Variants in LOXL2 observed in about 807,000 individuals in gnomAD.
The protein encoded by LOXL2 is lysyl oxidase homolog 2.
A neutral mutation model predicts 93.0 loss-of-function variants in LOXL2; 70 were observed. The ratio of observed to expected loss-of-function variants is 0.75; its 90% CI spans 0.62 to 0.92. The LOEUF (loss-of-function observed/expected upper bound fraction) is 0.92, where lower values mean the gene tolerates loss of function less well. LOXL2 is among the 40% of genes least tolerant of loss of function. The pLI, the probability that LOXL2 is intolerant of heterozygous loss-of-function variation, is 0.00. For missense variants in LOXL2, 973 were observed against 1,054.9 expected, an observed-to-expected ratio of 0.92 and a Z score of 1.08; for synonymous variants, 438 against 413.2, an observed-to-expected ratio of 1.06 and a Z score of -0.73.
At chr8:23,316,732 C>A in intron 9 of LOXL2, 1 of 537,040 alleles carries the variant, frequency 1.9e-6, no homozygotes. Flanking sequence ...AGACTGCAGC[C>A]CCTCCCTCCC....
intron 13 of LOXL2, 31 bp downstream of exon 13, chr8:23,298,805 G>T: frequency 7.0e-7 from 1 of 1,425,386 alleles, no homozygotes; most frequent in Non-Finnish European, 9.9e-7. Context: ...GCTCCCGCCT[G>T]CTTCCTGGAG....
rs565253378 is a variant in LOXL2, at chr8:23,392,346, G to A, written c.-84+11608C>T. On this transcript the variant is annotated intron_variant, in intron 1 of 13. Coordinates refer to ENST00000389131, the MANE Select transcript of LOXL2 (RefSeq NM_002318.3). ...AAGTGTCACATCACTGAAGCTGGCCGGGCTTGGCTGCTACAATGCCAGCTG... is the reference window on the plus strand; with the variant it reads ...AAGTGTCACATCACTGAAGCTGGCCAGGCTTGGCTGCTACAATGCCAGCTG... Among the ~76,000 whole-genome samples, 14 of 152,306 alleles carry A rather than the reference G, an allele frequency of 9.2e-5. No homozygotes were observed. In the South Asian group the frequency reaches 2.1e-3, roughly 23 times the overall value.
At chr8:23,398,342 G>A (rs1206785666) in intron 1 of LOXL2, among the ~76,000 whole-genome samples, 1 of 152,172 alleles carries the variant, frequency 6.6e-6, no homozygotes, top group Non-Finnish European at 1.5e-5. Context: ...AGGACATCCA[G>A]AGGGCCAGCT....
At chr8:23,370,552 T>C (rs891769863) in intron 1 of LOXL2, 5 of 152,212 alleles carry the variant, frequency 3.3e-5, no homozygotes, top group Admixed American at 2.6e-4. Context: ...TAAAAACATA[T>C]GTTCGAAGAC....
intron 10 of LOXL2, among the ~76,000 whole-genome samples, chr8:23,309,289 A>G (rs1387165177): frequency 6.6e-6 from 1 of 152,126 alleles, no homozygotes; most frequent in Non-Finnish European, 1.5e-5. Flanking sequence ...GGCTGGGAAT[A>G]TTTCTAAAGG....
intron 3 of LOXL2, among the ~76,000 whole-genome samples, chr8:23,355,224 C>T (rs1001260506): frequency 4.0e-5 from 6 of 151,780 alleles, no homozygotes; most frequent in South Asian, 2.1e-4. Context: ...GGATTACAAG[C>T]GTGAGCCACC....
chr8:23,318,588 T>A (rs540512892), intron 8 of LOXL2, among the ~76,000 whole-genome samples: 3 of 152,200 alleles, frequency 2.0e-5, no homozygotes, highest in Admixed American at 2.0e-4. Context: ...AGTGGCAGAT[T>A]TGGTACAAAT....
At chr8:23,403,437 C>T (rs1447457806) in intron 1 of LOXL2, among the ~76,000 whole-genome samples, 3 of 152,072 alleles carry the variant, frequency 2.0e-5, no homozygotes, top group African/African-American at 7.2e-5. Flanking sequence ...GTGGACGCTA[C>T]AGCTCCCGGG....
chr8:23,393,405 C>A (rs1466193028), intron 1 of LOXL2, among the ~76,000 whole-genome samples: 1 of 152,210 alleles, frequency 6.6e-6, no homozygotes, highest in African/African-American at 2.4e-5. Context: ...ACTCATATAT[C>A]TATGGTCAAT....
chr8:23,322,469 C>T (rs1047328780), intron 6 of LOXL2, among the ~76,000 whole-genome samples, 188 bp from the exon 7 acceptor site: 1 of 152,182 alleles, frequency 6.6e-6, no homozygotes, highest in South Asian at 2.1e-4. Context: ...TCTTGGGATT[C>T]ACTTATCCCC....
chr8:23,347,794 C>A (rs551081918), intron 3 of LOXL2, among the ~76,000 whole-genome samples: 111 of 152,166 alleles, frequency 7.3e-4, no homozygotes, highest in African/African-American at 2.1e-3. Context: ...CAGAATGAGA[C>A]CTCATTTCTA....
At chr8:23,388,993 T>C (rs556108492) in intron 1 of LOXL2, among the ~76,000 whole-genome samples, 1 of 152,184 alleles carries the variant, frequency 6.6e-6, no homozygotes, top group Non-Finnish European at 1.5e-5. Context: ...GCATCATTCA[T>C]TGGAAGACAT....
At chr8:23,372,903 T>C (rs944619803) in intron 1 of LOXL2, among the ~76,000 whole-genome samples, 1 of 152,156 alleles carries the variant, frequency 6.6e-6, no homozygotes, top group Non-Finnish European at 1.5e-5. Flanking sequence ...ATTCACAAGT[T>C]TCTATAAACT....
chr8:23,302,061 A>T lies in LOXL2; in HGVS notation c.2099T>A (p.Ile700Asn). The T allele has an allele frequency of 6.2e-7, 1 of 1,614,106 alleles. No homozygotes were observed. The highest frequency in any genetic ancestry group is 8.5e-7 in the Non-Finnish European group (1 of 1,179,990). Residue 700 changes from isoleucine to asparagine, a missense_variant, in exon 12 of 14, where the codon ATC (isoleucine) becomes AAC (asparagine). Coordinates refer to ENST00000389131, the MANE Select transcript of LOXL2 (RefSeq NM_002318.3). ...GTAGTCTCCAGGGGGCACGTCAGTG[A>T]TGTCAACCCACTGGCAGTCGATGTC... is the stretch of plus-strand genomic sequence containing the variant. ...RHDIDCQWVD[I>N]TDVPPGDYLF...
intron 1 of LOXL2, among the ~76,000 whole-genome samples, chr8:23,371,651 C>T (rs1430785475): frequency 1.4e-5 from 2 of 141,136 alleles, no homozygotes; most frequent in East Asian, 4.5e-4. Context: ...ACTCGGGAGG[C>T]TGAGGCAGGA....
chr8:23,316,527 G>A (rs1413643139), intron 9 of LOXL2, among the ~76,000 whole-genome samples: 6 of 152,118 alleles, frequency 3.9e-5, no homozygotes, highest in East Asian at 1.9e-4. Context: ...GACTCCCAGC[G>A]AACTACCGGG....
At chr8:23,332,201 A>C (rs1803694176) in intron 5 of LOXL2, among the ~76,000 whole-genome samples, 3 of 142,204 alleles carry the variant, frequency 2.1e-5, no homozygotes, top group Admixed American at 7.0e-5. Flanking sequence ...CACCCCACAC[A>C]CACCCACACC....
At chr8:23,343,330 G>A (rs1803916501) in intron 3 of LOXL2, among the ~76,000 whole-genome samples, 3 of 152,342 alleles carry the variant, frequency 2.0e-5, no homozygotes, top group African/African-American at 7.2e-5. Flanking sequence ...TGAGGTGGTT[G>A]ATAGCTACTG....
At chr8:23,374,467 T>G (rs1289035082) in intron 1 of LOXL2, among the ~76,000 whole-genome samples, 4 of 152,180 alleles carry the variant, frequency 2.6e-5, no homozygotes, top group Non-Finnish European at 4.4e-5. Context: ...ATATACCCAG[T>G]AATGGGATGG....
Sources: allele counts gnomAD v4.1 joint callset (sites outside exome capture counted in the v4.1 genomes callset), GRCh38; gene constraint gnomAD v4.1.1; transcripts MANE v1.5; gene names NCBI Gene and HGNC (gene_info 2026-07-23, HGNC 2026-07-21).